Variants in THSD7B observed in about 807,000 individuals in gnomAD.
THSD7B encodes the protein thrombospondin type 1 domain containing 7B, also known as thrombospondin type-1 domain-containing protein 7B.
A neutral mutation model predicts 213.6 loss-of-function variants in THSD7B; 138 were observed. The observed-to-expected ratio is 0.65, with a 90% CI of 0.56 to 0.74. THSD7B has a LOEUF of 0.74. Among genes scored for constraint, THSD7B ranks in the 30% least tolerant of loss-of-function variants. The pLI is 0.00. For missense variants in THSD7B, 1,931 were observed against 1,991.5 expected (o/e 0.97, Z 0.58); for synonymous variants, 742 against 687.0 (o/e 1.08, Z -1.25).
chr2:137,179,739 G>A (rs1680419505), intron 7 of THSD7B, among the ~76,000 whole-genome samples: 1 of 152,078 alleles, frequency 6.6e-6, no homozygotes. Context: ...TTTGTGCTCT[G>A]AAATTCCATA....
chr2:136,977,237 T>A (rs1685495989), intron 2 of THSD7B, among the ~76,000 whole-genome samples: 3 of 152,214 alleles, frequency 2.0e-5, no homozygotes, highest in Non-Finnish European at 4.4e-5. Context: ...ATAGAGATGT[T>A]TATAGTATTC....
In THSD7B at chr2:137,618,481, C is replaced by G; in HGVS notation, c.3655C>G (p.Pro1219Ala). Residue 1219 changes from proline (P) to alanine (A), a missense_variant, in exon 19 of 28, where the codon CCA (proline) becomes GCA (alanine). Physicochemically the swap from Pro to Ala is conservative, Grantham distance 27. Coordinates refer to ENST00000409968, the MANE Select transcript of THSD7B (RefSeq NM_001316349.2). ...AAGCTGTGTGTGCAGTGATGGCAAGCCAGTCAGCATGGACCAATGTGAGCA... is the reference window on the plus strand; with the variant it reads ...AAGCTGTGTGTGCAGTGATGGCAAGGCAGTCAGCATGGACCAATGTGAGCA... Reference protein sequence around the residue: ...LLSCVCSDGKPVSMDQCEQHN... With the variant: ...LLSCVCSDGKAVSMDQCEQHN... The G allele has an allele frequency of 1.2e-6, 2 of 1,613,746 alleles. No homozygotes were observed. Among genetic ancestry groups the G allele is most frequent in the Non-Finnish European group, 1.7e-6 (2 of 1,179,828 alleles).
At chr2:136,880,481 T>G (rs1683600191) in intron 1 of THSD7B, among the ~76,000 whole-genome samples, 2 of 152,198 alleles carry the variant, frequency 1.3e-5, no homozygotes, top group Non-Finnish European at 2.9e-5. Flanking sequence ...TACAGTTTTC[T>G]TATTATCTTT....
At chr2:137,216,296 G>C in intron 7 of THSD7B, among the ~76,000 whole-genome samples, 1 of 110,894 alleles carries the variant, frequency 9.0e-6, no homozygotes, top group Admixed American at 1.4e-4. Context: ...CCTGCATTAT[G>C]ATAACTGAAT....
intron 15 of THSD7B, among the ~76,000 whole-genome samples, chr2:137,489,965 A>G (rs576678375): frequency 1.3e-5 from 2 of 152,330 alleles, no homozygotes; most frequent in East Asian, 3.9e-4. Flanking sequence ...TGAGCAACTC[A>G]AGAACAATAG....
chr2:136,819,761 C>T (rs1051084119), intron 1 of THSD7B, among the ~76,000 whole-genome samples: 2 of 152,142 alleles, frequency 1.3e-5, no homozygotes, highest in African/African-American at 4.8e-5. Context: ...TGCATTTCCT[C>T]TCCCTCCCTT....
In THSD7B at chr2:136,787,839, T is replaced by A. The variant is rs547054317; in HGVS notation, c.-36+22152T>A. 2.6e-3 allele frequency among the ~76,000 whole-genome samples: 13 copies of A among 5,072 alleles called. 1 individual carries two copies. The South Asian group carries it at 0.033, about 13-fold the overall frequency. The allele number at this position is 5,072 out of a possible 152,430, so 3.3% of individuals were successfully genotyped here. A position where few individuals can be genotyped will look rare whatever the true frequency, so the allele number is the denominator to read the frequency against. On this transcript the variant is annotated intron_variant, in intron 1 of 27. Coordinates refer to ENST00000409968, the MANE Select transcript of THSD7B (RefSeq NM_001316349.2). ...AGAACTTTTAAGAGCCATTGTGTAG[T>A]TTCCCCTAATGCTATTTTCTCCTTC... is the stretch of plus-strand genomic sequence containing the variant.
At chr2:137,283,225 A>T (rs989591237) in intron 12 of THSD7B, among the ~76,000 whole-genome samples, 2 of 152,156 alleles carry the variant, frequency 1.3e-5, no homozygotes, top group African/African-American at 4.8e-5. Context: ...ATTGGTGTAT[A>T]AGAATGCTTG....
chr2:137,038,431 C>T (rs1390490647), intron 2 of THSD7B, among the ~76,000 whole-genome samples: 2 of 152,114 alleles, frequency 1.3e-5, no homozygotes, highest in African/African-American at 2.4e-5. Context: ...GCTGATGAGC[C>T]CGGCATCCCT....
intron 5 of THSD7B, among the ~76,000 whole-genome samples, chr2:137,126,363 C>T (rs1371465206): frequency 6.6e-6 from 1 of 152,178 alleles, no homozygotes; most frequent in Admixed American, 6.5e-5. Flanking sequence ...TACATTAGCA[C>T]TTGCTGCTTC....
chr2:137,185,985 A>C (rs748494667), intron 7 of THSD7B, among the ~76,000 whole-genome samples: 2 of 152,188 alleles, frequency 1.3e-5, no homozygotes, highest in Admixed American at 6.5e-5. Context: ...TCTGATGATT[A>C]GTGATGTTGA....
intron 1 of THSD7B, among the ~76,000 whole-genome samples, chr2:136,829,925 C>G (rs1048527147): frequency 3.3e-5 from 5 of 152,058 alleles, no homozygotes; most frequent in African/African-American, 1.2e-4. Flanking sequence ...CCTCTTGCCT[C>G]TTTTTATCTT....
At chr2:136,861,806 T>A (rs552895073) in intron 1 of THSD7B, among the ~76,000 whole-genome samples, 5 of 152,330 alleles carry the variant, frequency 3.3e-5, no homozygotes, top group African/African-American at 1.2e-4. Context: ...TTGCTGTAGG[T>A]CAGGAACCTG....
chr2:137,609,627 C>A (rs764234855), intron 17 of THSD7B, among the ~76,000 whole-genome samples: 4 of 152,190 alleles, frequency 2.6e-5, no homozygotes, highest in Non-Finnish European at 4.4e-5. Flanking sequence ...AGATATAATG[C>A]TGGACCCGAT....
At chr2:137,295,163 T>C (rs1189968384) in intron 12 of THSD7B, among the ~76,000 whole-genome samples, 1 of 152,100 alleles carries the variant, frequency 6.6e-6, no homozygotes, top group African/African-American at 2.4e-5. Flanking sequence ...ACTGGAGTTA[T>C]TATAGAACAA....
At chr2:136,887,152 C>T (rs1683732321) in intron 2 of THSD7B, among the ~76,000 whole-genome samples, 2 of 152,150 alleles carry the variant, frequency 1.3e-5, no homozygotes, top group African/African-American at 2.4e-5. Context: ...ATTAGTACAT[C>T]ACAGTGTGGT....
chr2:137,094,021 A>G (rs1039116850), intron 3 of THSD7B, among the ~76,000 whole-genome samples: 6 of 152,212 alleles, frequency 3.9e-5, no homozygotes, highest in African/African-American at 1.4e-4. Context: ...AGGAAATATA[A>G]TGGCACATTT....
intron 14 of THSD7B, among the ~76,000 whole-genome samples, chr2:137,443,922 T>C (rs1687473218): frequency 6.6e-6 from 1 of 152,118 alleles, no homozygotes; most frequent in Admixed American, 6.6e-5. Flanking sequence ...CTAAATCAGC[T>C]ACATTTCAGT....
intron 2 of THSD7B, among the ~76,000 whole-genome samples, chr2:136,978,078 C>T (rs560538510): frequency 4.1e-4 from 63 of 152,234 alleles, no homozygotes; most frequent in African/African-American, 6.0e-4. Flanking sequence ...GGATTACAGG[C>T]GTGAGCCACT....
Sources: gnomAD v4.1 joint callset for allele counts (sites outside exome capture counted in the v4.1 genomes callset) on GRCh38, gnomAD v4.1.1 for gene constraint, MANE v1.5 for transcripts, NCBI Gene and HGNC (gene_info 2026-07-23, HGNC 2026-07-21) for gene names.